Variants in NFIA observed in about 807,000 individuals in gnomAD.
NFIA encodes the protein nuclear factor I A.
NFIA carries 8 observed loss-of-function variants against 62.8 expected under a neutral mutation model. The ratio of observed to expected loss-of-function variants is 0.13; its 90% confidence interval spans 0.07 to 0.23. NFIA has a LOEUF of 0.23. Among genes scored for constraint, NFIA ranks in the 10% least tolerant of loss-of-function variants. The probability of loss-of-function intolerance (pLI) is 1.00; values close to 1 mark genes in which losing one functional copy is unlikely to be tolerated. For missense variants in NFIA, 410 were observed against 642.1 expected, an observed-to-expected ratio of 0.64 and a Z score of 3.91; for synonymous variants, 235 against 238.1, an observed-to-expected ratio of 0.99 and a Z score of 0.12.
chr1:61,292,557 G>A (rs1658957795), intron 3 of NFIA, among the ~76,000 whole-genome samples: 1 of 152,110 alleles, frequency 6.6e-6, no homozygotes, highest in Non-Finnish European at 1.5e-5. Context: ...CAGATATTTA[G>A]GCAGATAGTT....
chr1:61,278,209 A>T (rs1657929142), intron 3 of NFIA, among the ~76,000 whole-genome samples: 1 of 152,210 alleles, frequency 6.6e-6, no homozygotes, highest in African/African-American at 2.4e-5. Context: ...ATTATATATG[A>T]ATATCATAGT....
At chr1:61,409,825 G>C (rs1666018180) in intron 9 of NFIA, among the ~76,000 whole-genome samples, 1 of 152,194 alleles carries the variant, frequency 6.6e-6, no homozygotes, top group African/African-American at 2.4e-5. Context: ...GACAGGGTGG[G>C]GTGGTAGGGA....
intron 3 of NFIA, among the ~76,000 whole-genome samples, chr1:61,286,154 A>G (rs1334888514): frequency 6.6e-6 from 1 of 152,110 alleles, no homozygotes; most frequent in South Asian, 2.1e-4. Flanking sequence ...TAGGCCGGGC[A>G]GGATGGCTCA....
intron 2 of NFIA, among the ~76,000 whole-genome samples, chr1:61,235,475 T>TAAAC: frequency 7.2e-6 from 1 of 139,018 alleles, no homozygotes; most frequent in Non-Finnish European, 1.6e-5. Context: ...AATAAATAAA[T>TAAAC]AAATAAATAA....
At chr1:61,082,465 C>A (rs1383263180), upstream of NFIA, 1 of 1,059,816 alleles carries the variant, frequency 9.4e-7, no homozygotes, top group South Asian at 3.1e-5. Context: ...TCGCGGGCAC[C>A]CGGCCGGGCC....
intron 2 of NFIA, among the ~76,000 whole-genome samples, chr1:61,159,972 G>C (rs182186596): frequency 4.9e-4 from 74 of 152,230 alleles, no homozygotes; most frequent in Admixed American, 3.9e-3. Context: ...GTGAGCCACC[G>C]CGCCCGGCCT....
chr1:61,128,790 T>A (rs1570221187), intron 2 of NFIA, among the ~76,000 whole-genome samples: 1 of 152,040 alleles, frequency 6.6e-6, no homozygotes, highest in East Asian at 1.9e-4. Flanking sequence ...ACTTGAGACC[T>A]TAGGGAGATC....
intron 10 of NFIA, among the ~76,000 whole-genome samples, chr1:61,447,494 C>T (rs1235771623): frequency 5.9e-5 from 9 of 152,118 alleles, no homozygotes; most frequent in South Asian, 4.1e-4. Flanking sequence ...AATAAAGCCG[C>T]GAAACCCCGT....
intron 3 of NFIA, among the ~76,000 whole-genome samples, chr1:61,326,922 A>C (rs1014526207): frequency 2.9e-4 from 44 of 152,158 alleles, no homozygotes; most frequent in African/African-American, 1.0e-3. Flanking sequence ...CAGAAGTGAG[A>C]GAGAATAAAC....
At chr1:61,155,359 A>G (rs1648720341) in intron 2 of NFIA, among the ~76,000 whole-genome samples, 1 of 152,210 alleles carries the variant, frequency 6.6e-6, no homozygotes, top group African/African-American at 2.4e-5. Context: ...TTTTCGAGAA[A>G]CAAATGATGT....
At chr1:61,279,531 T>A (rs1160706476) in intron 3 of NFIA, among the ~76,000 whole-genome samples, 1 of 152,192 alleles carries the variant, frequency 6.6e-6, no homozygotes, top group Non-Finnish European at 1.5e-5. Flanking sequence ...ACTTGACTTG[T>A]AGGTGATGTC....
At chr1:61,200,955 A>G (rs1365041745) in intron 2 of NFIA, among the ~76,000 whole-genome samples, 1 of 151,764 alleles carries the variant, frequency 6.6e-6, no homozygotes, top group Non-Finnish European at 1.5e-5. Flanking sequence ...CTTTTCATGT[A>G]TGAATGATTC....
intron 2 of NFIA, among the ~76,000 whole-genome samples, chr1:61,196,329 A>T (rs1651995022): frequency 6.6e-6 from 1 of 152,172 alleles, no homozygotes; most frequent in Non-Finnish European, 1.5e-5. Flanking sequence ...TGCCTTACTT[A>T]GTAAATTCCT....
intron 9 of NFIA, among the ~76,000 whole-genome samples, chr1:61,409,692 G>A (rs1271838822): frequency 1.3e-5 from 2 of 152,182 alleles, no homozygotes; most frequent in Non-Finnish European, 2.9e-5. Flanking sequence ...CTACCAGGTC[G>A]CTGGCAGGAC....
intron 4 of NFIA, among the ~76,000 whole-genome samples, chr1:61,347,654 A>G (rs1662313620): frequency 6.6e-6 from 1 of 152,122 alleles, no homozygotes; most frequent in East Asian, 1.9e-4. Flanking sequence ...ACTCCTTTGA[A>G]CTTTCCTAGC....
chr1:61,142,099 A>C (rs1647579229), intron 2 of NFIA, among the ~76,000 whole-genome samples: 1 of 152,136 alleles, frequency 6.6e-6, no homozygotes, highest in Non-Finnish European at 1.5e-5. Context: ...CTTTCCTTAA[A>C]AAAAAAAAAT....
At chr1:61,420,318 G>A (rs1440432313) in intron 9 of NFIA, among the ~76,000 whole-genome samples, 1 of 151,418 alleles carries the variant, frequency 6.6e-6, no homozygotes, top group African/African-American at 2.4e-5. Flanking sequence ...GAAATTAGCC[G>A]ATATATTTTC....
intron 2 of NFIA, among the ~76,000 whole-genome samples, chr1:61,227,056 A>G (rs139717054): frequency 6.6e-6 from 1 of 152,338 alleles, no homozygotes; most frequent in East Asian, 1.9e-4. Context: ...TTTTGTTTAA[A>G]GCACCATTCA....
At chr1:61,121,825 T>A (rs974795860) in intron 2 of NFIA, among the ~76,000 whole-genome samples, 5 of 152,196 alleles carry the variant, frequency 3.3e-5, no homozygotes, top group African/African-American at 9.7e-5. Flanking sequence ...GGGGTAGAAC[T>A]CTCTTTTTCA....
Sources: gnomAD v4.1 joint callset for allele counts (sites outside exome capture counted in the v4.1 genomes callset) on GRCh38, gnomAD v4.1.1 for gene constraint, MANE v1.5 for transcripts, NCBI Gene and HGNC (gene_info 2026-07-23, HGNC 2026-07-21) for gene names.